The following PLSCR2 variants were observed in gnomAD, a reference collection of about 807,000 sequenced individuals.
PLSCR2 encodes the protein phospholipid scramblase 2.
In PLSCR2, 18 loss-of-function variants were observed where a neutral mutation model predicts 25.3. That is an observed-to-expected ratio of 0.71 (90% confidence interval 0.49 to 1.06). PLSCR2 has a LOEUF of 1.06. Ranked by LOEUF, PLSCR2 falls within the 50% of genes least tolerant of loss-of-function variation. PLSCR2 has a pLI of 0.00. For synonymous variants in PLSCR2, 88 were observed against 87.3 expected (o/e 1.01, Z -0.04); for missense variants, 243 against 269.5 (o/e 0.90, Z 0.69).
At chr3:146,403,683 GT>G (rs911465506) in intron 2 of PLSCR2, among the ~76,000 whole-genome samples, 7 of 151,682 alleles carry the variant, frequency 4.6e-5, no homozygotes, top group Non-Finnish European at 7.4e-5. Flanking sequence ...TATTGTCTTA[GT>G]TTTTTTTGTG....
At chr3:146,437,383 T>C (rs906227500), downstream of PLSCR2, among the ~76,000 whole-genome samples, 2 of 152,206 alleles carry the variant, frequency 1.3e-5, no homozygotes. Flanking sequence ...CTGGTAGAAT[T>C]TGGCTGTGAA....
intron 2 of PLSCR2, among the ~76,000 whole-genome samples, chr3:146,423,269 CT>C (rs1559981749): frequency 0.013 from 1,908 of 146,152 alleles, 119 homozygotes; most frequent in African/African-American, 0.045. Flanking sequence ...CTCTCTCTCT[CT>C]CTCTCTCTCT....
At chr3:146,394,358 C>T (rs748480338) in intron 3 of PLSCR2, among the ~76,000 whole-genome samples, 10 of 152,094 alleles carry the variant, frequency 6.6e-5, no homozygotes, top group Admixed American at 3.3e-4. Context: ...ACCTCTGCCT[C>T]CTGGGTTCAA....
intron 1 of PLSCR2, among the ~76,000 whole-genome samples, chr3:146,487,491 T>C (rs2043388121): frequency 6.6e-6 from 1 of 151,964 alleles, no homozygotes; most frequent in Non-Finnish European, 1.5e-5. Flanking sequence ...AATCAAGCAA[T>C]GTGTAAAAAT....
At chr3:146,426,118 A>G (rs1037258828) in intron 2 of PLSCR2, among the ~76,000 whole-genome samples, 4 of 151,984 alleles carry the variant, frequency 2.6e-5, no homozygotes, top group African/African-American at 7.2e-5. Flanking sequence ...TTCTGCAAAC[A>G]AAGGAACATT....
chr3:146,394,954 C>T (rs1331978142), intron 3 of PLSCR2, among the ~76,000 whole-genome samples: 5 of 152,204 alleles, frequency 3.3e-5, no homozygotes, highest in African/African-American at 1.2e-4. Flanking sequence ...TTCCTGCCGC[C>T]TTGTGGAAAA....
At chr3:146,452,322 T>C (rs2040951123) in intron 5 of PLSCR2, among the ~76,000 whole-genome samples, 1 of 152,184 alleles carries the variant, frequency 6.6e-6, no homozygotes. Flanking sequence ...TTTATAAATC[T>C]GTAAATTTAA....
chr3:146,460,556 G>A (rs2041513609), upstream of PLSCR2, among the ~76,000 whole-genome samples: 2 of 152,038 alleles, frequency 1.3e-5, 1 homozygote, highest in South Asian at 4.1e-4. Flanking sequence ...TATCCTATAT[G>A]TATAGAAGTC....
At chr3:146,476,151 G>C (rs1210410239) in intron 1 of PLSCR2, among the ~76,000 whole-genome samples, 7 of 152,138 alleles carry the variant, frequency 4.6e-5, no homozygotes, top group Non-Finnish European at 7.4e-5. Context: ...CTCCCACCAA[G>C]AAGAACGAAG....
chr3:146,406,924 T>C (rs1306947387), intron 2 of PLSCR2, among the ~76,000 whole-genome samples: 5 of 152,182 alleles, frequency 3.3e-5, no homozygotes, highest in Admixed American at 2.0e-4. Flanking sequence ...GTCTTGTACC[T>C]GTTGGGGAGA....
intron 2 of PLSCR2, among the ~76,000 whole-genome samples, chr3:146,418,893 A>G (rs538446485): frequency 6.6e-6 from 1 of 152,272 alleles, no homozygotes; most frequent in East Asian, 1.9e-4. Flanking sequence ...TAAACTCTTC[A>G]AAGAGTCCTT....
At chr3:146,418,882 C>T (rs2039063745) in intron 2 of PLSCR2, among the ~76,000 whole-genome samples, 1 of 152,112 alleles carries the variant, frequency 6.6e-6, no homozygotes, top group African/African-American at 2.4e-5. Flanking sequence ...AATCACACAC[C>T]TAAACTCTTC....
rs533162048 is a variant in PLSCR2, at chr3:146,485,827, G to A, written c.-293+10068C>T. Among the ~76,000 whole-genome samples, 12 of 152,158 alleles carry A rather than the reference G, an allele frequency of 7.9e-5. No homozygotes were observed. In the South Asian group the frequency reaches 1.0e-3, roughly 13 times the overall value. Reference sequence around the variant, plus strand: ...GCTGGGGAAGCCTCACAATCATGGCGGAAGGCAAGGAGGAGCAAGTCACGT... The same window carrying A: ...GCTGGGGAAGCCTCACAATCATGGCAGAAGGCAAGGAGGAGCAAGTCACGT... On this transcript the variant is annotated intron_variant, in intron 1 of 8. Coordinates refer to the PLSCR2 transcript ENST00000336685.
At chr3:146,442,256 A>G (rs1411950038) in intron 6 of PLSCR2, among the ~76,000 whole-genome samples, 1 of 152,054 alleles carries the variant, frequency 6.6e-6, no homozygotes, top group East Asian at 1.9e-4. Flanking sequence ...TAAGGAATAC[A>G]TTTAACCAAA....
At chr3:146,439,746 C>T (rs1250958839), downstream of PLSCR2, among the ~76,000 whole-genome samples, 6 of 152,014 alleles carry the variant, frequency 3.9e-5, no homozygotes, top group South Asian at 2.1e-4. Context: ...TTGTTATTAC[C>T]GATTATCTGA....
chr3:146,453,103 T>C (rs2040996494), intron 5 of PLSCR2, among the ~76,000 whole-genome samples: 1 of 152,096 alleles, frequency 6.6e-6, no homozygotes, highest in African/African-American at 2.4e-5. Context: ...CATTTTTATA[T>C]AACCAAATTC....
intron 5 of PLSCR2, among the ~76,000 whole-genome samples, chr3:146,451,107 C>CTTTTTTTTTT (rs58373001): frequency 1.3e-5 from 1 of 79,482 alleles, no homozygotes; most frequent in African/African-American, 4.8e-5. Flanking sequence ...ATTAAGTTTT[C>CTTTTTTTTTT]TTTTTTTTTT....
At chr3:146,419,655 T>C (rs1305834708) in intron 2 of PLSCR2, among the ~76,000 whole-genome samples, 1 of 152,120 alleles carries the variant, frequency 6.6e-6, no homozygotes, top group African/African-American at 2.4e-5. Flanking sequence ...AAATATGTTT[T>C]GTTTCAGGTT....
In PLSCR2 at chr3:146,459,805, G is replaced by C. The variant is rs771834843; in HGVS notation, c.57+43C>G. 2.3e-6 allele frequency: 3 copies of C among 1,300,782 alleles called. No individual in the cohort carries two copies. In the South Asian group the frequency reaches 3.9e-5, roughly 17 times the overall value. The allele number at this position is 1,300,782 out of a possible 1,614,324, so 80.6% of individuals were successfully genotyped here. The stretch of plus-strand genomic sequence containing the variant: ...TACTATGGTTCATAAACCAGAAAGA[G>C]AGTTTTTTTTTTTTTCTGAGTATTT... On this transcript the variant is annotated intron_variant, in intron 2 of 6. Transcript: ENST00000610787.
Sources: gnomAD v4.1 joint callset for allele counts (sites outside exome capture counted in the v4.1 genomes callset) on GRCh38, gnomAD v4.1.1 for gene constraint, MANE v1.5 for transcripts, NCBI Gene and HGNC (gene_info 2026-07-23, HGNC 2026-07-21) for gene names.